The following ZNF79 variants were observed in gnomAD, a reference collection of about 807,000 sequenced individuals.
ZNF79 encodes zinc finger protein 79.
In ZNF79, 13 loss-of-function variants were observed where a neutral mutation model predicts 14.9. The observed-to-expected ratio is 0.87, with a 90% CI of 0.57 to 1.38. The LOEUF (loss-of-function observed/expected upper bound fraction) is 1.38, where lower values mean the gene tolerates loss of function less well. Ranked by LOEUF, ZNF79 falls within the 40% of genes most tolerant of loss-of-function variation. The pLI, the probability that ZNF79 is intolerant of heterozygous loss-of-function variation, is 0.00. For missense variants in ZNF79, 631 were observed against 630.6 expected, an observed-to-expected ratio of 1.00 and a Z score of -0.01; for synonymous variants, 223 against 235.1, an observed-to-expected ratio of 0.95 and a Z score of 0.47.
At chr9:127,435,410 T>C (rs567733465) in intron 3 of ZNF79, among the ~76,000 whole-genome samples, 194 bp downstream of exon 3, 7 of 152,342 alleles carry the variant, frequency 4.6e-5, no homozygotes, top group African/African-American at 1.2e-4. Context: ...TCTCTAAGGC[T>C]GCACCTCCCC....
intron 4 of ZNF79, among the ~76,000 whole-genome samples, chr9:127,440,649 T>C (rs1834032571): frequency 6.6e-6 from 1 of 152,126 alleles, no homozygotes; most frequent in African/African-American, 2.4e-5. Flanking sequence ...GAAAAAGAAT[T>C]CAGCGTTATG....
At chr9:127,431,715 A>T (rs1041995120) in intron 2 of ZNF79, among the ~76,000 whole-genome samples, 1 of 152,110 alleles carries the variant, frequency 6.6e-6, no homozygotes, top group African/African-American at 2.4e-5. Flanking sequence ...TAGTTTAAGG[A>T]TTTACATTTA....
intron 1 of ZNF79, 41 bp downstream of exon 1, chr9:127,424,844 G>C: frequency 6.2e-7 from 1 of 1,612,872 alleles, no homozygotes; most frequent in Non-Finnish European, 8.5e-7. Flanking sequence ...GAGATCGGCT[G>C]CTGCTTCGTT....
chr9:127,438,932 G>A (rs1180822705), intron 4 of ZNF79, among the ~76,000 whole-genome samples: 2 of 151,920 alleles, frequency 1.3e-5, no homozygotes, highest in Non-Finnish European at 2.9e-5. Flanking sequence ...GCCAACATAG[G>A]GAAACTCCAT....
rs1232040963 is a variant in ZNF79 at position 127,424,751 on chromosome 9, G to T, written c.-37G>T. ...CTGTAGATAGACCCTTACGCCCAGA[G>T]AACTGCTGGGAGGCTGTGGCGCGAG... is the stretch of plus-strand genomic sequence containing the variant. On this transcript the variant is annotated 5_prime_UTR_variant, in exon 1 of 5. Coordinates refer to ENST00000342483, the MANE Select transcript of ZNF79 (RefSeq NM_007135.3). The T allele has an allele frequency of 1.9e-6, 3 of 1,613,542 alleles. No individual in the cohort carries two copies. Among genetic ancestry groups the T allele is most frequent in the Non-Finnish European group, 1.7e-6 (2 of 1,179,986 alleles).
At chr9:127,428,130 G>A (rs1833794179) in intron 1 of ZNF79, among the ~76,000 whole-genome samples, 2 of 151,720 alleles carry the variant, frequency 1.3e-5, no homozygotes, top group South Asian at 2.1e-4. Context: ...ATGGGTATGC[G>A]CTACCAAGCC....
intron 2 of ZNF79, among the ~76,000 whole-genome samples, chr9:127,430,944 T>C (rs866461327): frequency 6.6e-6 from 1 of 152,230 alleles, no homozygotes; most frequent in African/African-American, 2.4e-5. Flanking sequence ...CCAGCATCTG[T>C]TATTTTTTAC....
intron 4 of ZNF79, among the ~76,000 whole-genome samples, chr9:127,440,372 C>G (rs1834028864): frequency 1.3e-5 from 2 of 152,106 alleles, no homozygotes; most frequent in Admixed American, 1.3e-4. Context: ...AGGAGAGGAA[C>G]ATTCTGGGCC....
rs780578170 is a variant in ZNF79, at chr9:127,424,824, C to G, written c.16+21C>G. On this transcript the variant is annotated intron_variant, in intron 1 of 4. Coordinates refer to ENST00000342483, the MANE Select transcript of ZNF79 (RefSeq NM_007135.3). ...AGGAGGTGAGGAGTGGTAGAGGGAG[C>G]GATTGTCAAGAGATCGGCTGCTGCT... 1.1e-5 allele frequency: 18 copies of G among 1,613,550 alleles called. No homozygotes were observed. In the Admixed American group the frequency reaches 2.5e-4, roughly 22 times the overall value.
chr9:127,425,910 G>T (rs1183141842), intron 1 of ZNF79, among the ~76,000 whole-genome samples: 1 of 152,112 alleles, frequency 6.6e-6, no homozygotes, highest in Admixed American at 6.5e-5. Context: ...CCTTATATTT[G>T]GTCTTGCACT....
At chr9:127,437,130 A>C (rs1833962725) in intron 4 of ZNF79, among the ~76,000 whole-genome samples, 1 of 150,996 alleles carries the variant, frequency 6.6e-6, no homozygotes, top group Non-Finnish European at 1.5e-5. Flanking sequence ...GTTATAAGTT[A>C]TTGCTGCTGA....
At position 127,424,730 on chromosome 9, in the gene ZNF79, A is replaced by C. The variant is rs577465833; in HGVS notation, c.-58A>C. 1.7e-5 allele frequency: 28 copies of C among 1,612,682 alleles called. No individual in the cohort carries two copies. In the African/African-American group the frequency reaches 3.5e-4, roughly 20 times the overall value. ...TGCAGAACGGGGTGGGGGCTGCTGT[A>C]GATAGACCCTTACGCCCAGAGAACT... On this transcript the variant is annotated 5_prime_UTR_variant, in exon 1 of 5. Coordinates refer to ENST00000342483, the MANE Select transcript of ZNF79 (RefSeq NM_007135.3).
At chr9:127,442,095 C>T (rs1834059047) in intron 4 of ZNF79, among the ~76,000 whole-genome samples, 1 of 151,830 alleles carries the variant, frequency 6.6e-6, no homozygotes, top group Admixed American at 6.6e-5. Flanking sequence ...CCAGCCTGGG[C>T]AGCAAGAGCG....
At chr9:127,442,326 A>G (rs1834063712) in intron 4 of ZNF79, among the ~76,000 whole-genome samples, 1 of 151,538 alleles carries the variant, frequency 6.6e-6, no homozygotes, top group African/African-American at 2.4e-5. Context: ...GCTTGAACTC[A>G]GGAGGCGAAG....
At chr9:127,442,859 CA>C (rs1834073729) in intron 4 of ZNF79, among the ~76,000 whole-genome samples, 1 of 151,608 alleles carries the variant, frequency 6.6e-6, no homozygotes, top group South Asian at 2.1e-4. Context: ...GATCCTGTCT[CA>C]AAATCTGTGT....
At chr9:127,430,810 T>G (rs1833847083) in intron 2 of ZNF79, among the ~76,000 whole-genome samples, 1 of 152,222 alleles carries the variant, frequency 6.6e-6, no homozygotes, top group Admixed American at 6.5e-5. Flanking sequence ...GATTGCCGGG[T>G]CGAATGGTAG....
At chr9:127,429,609 G>C (rs1043895662) in intron 2 of ZNF79, among the ~76,000 whole-genome samples, 1 of 151,880 alleles carries the variant, frequency 6.6e-6, no homozygotes, top group Non-Finnish European at 1.5e-5. Flanking sequence ...GGGATTACAG[G>C]TGTGGGCCAC....
intron 4 of ZNF79, among the ~76,000 whole-genome samples, chr9:127,437,500 C>A (rs1293914886): frequency 6.6e-6 from 1 of 151,798 alleles, no homozygotes; most frequent in Non-Finnish European, 1.5e-5. Flanking sequence ...GGGTTCAAGA[C>A]CCTGAAAAGG....
intron 1 of ZNF79, among the ~76,000 whole-genome samples, chr9:127,425,472 A>C (rs1833733854): frequency 6.6e-6 from 1 of 152,036 alleles, no homozygotes; most frequent in East Asian, 1.9e-4. Flanking sequence ...AACCACCAAC[A>C]CCTCTGCTGT....
Sources: gnomAD v4.1 joint callset for allele counts (sites outside exome capture counted in the v4.1 genomes callset) on GRCh38, gnomAD v4.1.1 for gene constraint, MANE v1.5 for transcripts, NCBI Gene and HGNC (gene_info 2026-07-23, HGNC 2026-07-21) for gene names.